The following PUDP variants were observed in gnomAD, a reference collection of about 807,000 sequenced individuals.
PUDP encodes pseudouridine 5'-phosphatase.
PUDP carries 8 observed loss-of-function variants against 9.4 expected under a neutral mutation model. The observed-to-expected ratio is 0.85, with a 90% CI of 0.50 to 1.53. PUDP has a LOEUF of 1.53. PUDP is among the 40% of genes most tolerant of loss of function. PUDP has a pLI of 0.00. For missense variants in PUDP, 188 were observed against 189.7 expected (o/e 0.99, Z 0.05); for synonymous variants, 99 against 80.7 (o/e 1.23, Z -1.22).
intron 3 of PUDP, among the ~76,000 whole-genome samples, chrX:6,778,888 A>G (rs1240608289): frequency 8.9e-6 from 1 of 112,271 alleles, no homozygotes; most frequent in Non-Finnish European, 1.9e-5. Flanking sequence ...AGAAAGACAC[A>G]TTTGTTATGC....
chrX:6,827,558 G>A (rs1045170447), intron 3 of PUDP, among the ~76,000 whole-genome samples: 4 of 111,631 alleles, frequency 3.6e-5, no homozygotes, highest in African/African-American at 1.3e-4. Context: ...TATGTTCCCT[G>A]GCTCCAGACC....
chrX:6,963,464 T>A (rs746259192), intron 3 of PUDP, among the ~76,000 whole-genome samples: 1 of 111,458 alleles, frequency 9.0e-6, no homozygotes, highest in Admixed American at 9.6e-5. Flanking sequence ...CCACTCTAAC[T>A]CCAGGCAGAC....
intron 3 of PUDP, among the ~76,000 whole-genome samples, chrX:7,068,922 C>T (rs1331025188): frequency 2.7e-5 from 3 of 111,647 alleles, no homozygotes; most frequent in Non-Finnish European, 5.6e-5. Context: ...GGCCCCTTTC[C>T]AGACCACTGG....
intron 3 of PUDP, among the ~76,000 whole-genome samples, chrX:6,835,856 G>A (rs950449036): frequency 4.0e-4 from 42 of 105,829 alleles, no homozygotes; most frequent in Non-Finnish European, 3.3e-4. Context: ...GGGATTACAG[G>A]TGTGCACTGC....
At chrX:7,139,896 C>T (rs1045533012) in intron 1 of PUDP, among the ~76,000 whole-genome samples, 1 of 112,130 alleles carries the variant, frequency 8.9e-6, no homozygotes, top group African/African-American at 3.2e-5. Context: ...TCCTCTCATA[C>T]GCAGGCACCT....
At chrX:6,803,573 C>A (rs1926000946) in intron 3 of PUDP, among the ~76,000 whole-genome samples, 1 of 112,035 alleles carries the variant, frequency 8.9e-6, no homozygotes, top group Admixed American at 9.5e-5. Context: ...AAAAAAGTGT[C>A]CAAAAAAAGG....
chrX:6,857,005 A>T (rs1926916413), intron 3 of PUDP, among the ~76,000 whole-genome samples: 1 of 112,600 alleles, frequency 8.9e-6, no homozygotes, highest in South Asian at 3.7e-4. Flanking sequence ...GATGGTTCTG[A>T]TCTGGCTGCT....
intron 1 of PUDP, among the ~76,000 whole-genome samples, chrX:6,720,143 T>C (rs1924645121): frequency 9.6e-6 from 1 of 103,643 alleles, no homozygotes; most frequent in Non-Finnish European, 2.0e-5. Context: ...TACGTGTGTA[T>C]ATATATGTGT....
At chrX:7,121,451 C>T (rs1932341684) in intron 1 of PUDP, among the ~76,000 whole-genome samples, 1 of 111,891 alleles carries the variant, frequency 8.9e-6, no homozygotes, top group African/African-American at 3.3e-5. Flanking sequence ...AGTATGGCGC[C>T]ATTCCTTCCC....
In PUDP at chrX:6,728,292, G is replaced by A. The variant is rs184960428; in HGVS notation, c.*248-21826C>T. Among the ~76,000 whole-genome samples the A allele has an allele frequency of 1.8e-4, 20 of 111,170 alleles. No homozygotes were observed. The East Asian group carries it at 5.7e-3, about 32-fold the overall frequency. ...AGTTCCAGCACTTTGGGAGGCCGAG[G>A]CAGGAGGATCACTTGAGGCCAGGTG... On this transcript the variant is annotated intron_variant and NMD_transcript_variant, in intron 3 of 3. Transcript: ENST00000655425.
At chrX:7,004,744 C>T in intron 1 of PUDP, among the ~76,000 whole-genome samples, 1 of 111,960 alleles carries the variant, frequency 8.9e-6, no homozygotes, top group South Asian at 3.7e-4. Flanking sequence ...TTGCTAGAAA[C>T]ACTGTTTAAA....
intron 3 of PUDP, among the ~76,000 whole-genome samples, chrX:6,821,646 T>A (rs773578360): frequency 8.9e-6 from 1 of 111,907 alleles, no homozygotes; most frequent in Non-Finnish European, 1.9e-5. Flanking sequence ...GAGTCCTCGG[T>A]AAGGCTTCCC....
chrX:6,708,368 G>C (rs1264839003), intron 1 of PUDP, among the ~76,000 whole-genome samples: 1 of 111,638 alleles, frequency 9.0e-6, no homozygotes, highest in Non-Finnish European at 1.9e-5. Context: ...GCCCGAGGTA[G>C]GACACTTGGT....
intron 3 of PUDP, among the ~76,000 whole-genome samples, chrX:6,839,155 G>C (rs759418673): frequency 8.9e-6 from 1 of 111,748 alleles, no homozygotes; most frequent in South Asian, 3.7e-4. Context: ...GCAGCTTTCA[G>C]TGTTTATTGC....
chrX:6,765,407 C>T, intron 3 of PUDP, among the ~76,000 whole-genome samples: 1 of 112,221 alleles, frequency 8.9e-6, no homozygotes, highest in Non-Finnish European at 1.9e-5. Flanking sequence ...TTAAGTTAAA[C>T]TGCTTGAAAC....
intron 3 of PUDP, among the ~76,000 whole-genome samples, chrX:6,841,899 G>C (rs1926677027): frequency 9.0e-6 from 1 of 110,684 alleles, no homozygotes; most frequent in African/African-American, 3.3e-5. Context: ...TGCCAATTCT[G>C]TGTGTGTGTG....
chrX:6,782,177 C>T (rs1179502587), intron 3 of PUDP, among the ~76,000 whole-genome samples: 2 of 111,284 alleles, frequency 1.8e-5, no homozygotes, highest in Non-Finnish European at 3.8e-5. Context: ...CATGCCAGGC[C>T]GGGAAATTCC....
At chrX:7,116,251 G>C (rs927407227) in intron 1 of PUDP, among the ~76,000 whole-genome samples, 1 of 111,461 alleles carries the variant, frequency 9.0e-6, no homozygotes, top group Non-Finnish European at 1.9e-5. Flanking sequence ...TAGAAGTGAG[G>C]CATCTCATGG....
At chrX:6,825,925 G>A (rs1253161308) in intron 3 of PUDP, among the ~76,000 whole-genome samples, 3 of 111,663 alleles carry the variant, frequency 2.7e-5, no homozygotes, top group Non-Finnish European at 3.8e-5. Flanking sequence ...GCTGGGGTAT[G>A]CACATAACCA....
Sources: allele counts gnomAD v4.1 joint callset (sites outside exome capture counted in the v4.1 genomes callset), GRCh38; gene constraint gnomAD v4.1.1; transcripts MANE v1.5; gene names NCBI Gene and HGNC (gene_info 2026-07-23, HGNC 2026-07-21).